NEXMIF: variants seen among roughly 807,000 people sequenced by gnomAD.
NEXMIF encodes the protein neurite extension and migration factor.
A neutral mutation model predicts 62.1 loss-of-function variants in NEXMIF; 8 were observed. That is an observed-to-expected ratio of 0.13 (90% CI 0.08 to 0.23). The LOEUF (loss-of-function observed/expected upper bound fraction) is 0.23, where lower values mean the gene tolerates loss of function less well. NEXMIF is among the 10% of genes least tolerant of loss of function. The pLI is 1.00. For missense variants in NEXMIF, 976 were observed against 1,113.3 expected, an observed-to-expected ratio of 0.88 and a Z score of 1.75; for synonymous variants, 404 against 416.6, an observed-to-expected ratio of 0.97 and a Z score of 0.37.
At chrX:74,784,473 G>A (rs2080255026) in intron 1 of NEXMIF, among the ~76,000 whole-genome samples, 1 of 111,031 alleles carries the variant, frequency 9.0e-6, no homozygotes, top group African/African-American at 3.3e-5. Flanking sequence ...TCATTGCCCT[G>A]GAGAGTTGTC....
At chrX:74,769,264 C>A (rs1487321029) in intron 1 of NEXMIF, among the ~76,000 whole-genome samples, 1 of 111,128 alleles carries the variant, frequency 9.0e-6, no homozygotes, top group Non-Finnish European at 1.9e-5. Context: ...GAAGGCTCTG[C>A]CACATATCTC....
At chrX:74,869,103 C>T (rs758045543) in intron 1 of NEXMIF, among the ~76,000 whole-genome samples, 1 of 111,484 alleles carries the variant, frequency 9.0e-6, no homozygotes, top group African/African-American at 3.3e-5. Flanking sequence ...CAAAGTTCAA[C>T]AAAACATTAA....
At chrX:74,849,640 C>T (rs975964661) in intron 1 of NEXMIF, among the ~76,000 whole-genome samples, 2 of 112,827 alleles carry the variant, frequency 1.8e-5, no homozygotes, top group African/African-American at 6.4e-5. Flanking sequence ...GCTGAATTCA[C>T]ATCATCCATC....
intron 1 of NEXMIF, among the ~76,000 whole-genome samples, chrX:74,887,099 G>T (rs1208596041): frequency 1.8e-5 from 2 of 112,580 alleles, no homozygotes; most frequent in African/African-American, 6.5e-5. Flanking sequence ...CTAGCCAGAT[G>T]TAGAAAGCTG....
chrX:74,873,406 T>C (rs2080612501), intron 1 of NEXMIF, among the ~76,000 whole-genome samples: 1 of 112,071 alleles, frequency 8.9e-6, no homozygotes, highest in Admixed American at 9.5e-5. Flanking sequence ...GATGTTTGGG[T>C]TGGTTCCAAG....
At chrX:74,866,835 C>G in intron 1 of NEXMIF, among the ~76,000 whole-genome samples, 1 of 112,675 alleles carries the variant, frequency 8.9e-6, no homozygotes. Flanking sequence ...TGTGAGGCCT[C>G]CTTAGCCATG....
At chrX:74,791,654 A>C (rs1456040358) in intron 1 of NEXMIF, among the ~76,000 whole-genome samples, 3 of 110,291 alleles carry the variant, frequency 2.7e-5, no homozygotes, top group Non-Finnish European at 5.7e-5. Context: ...ACAATTTCAG[A>C]TCCTGTTATT....
chrX:74,894,515 C>A (rs2080727223), intron 1 of NEXMIF, among the ~76,000 whole-genome samples: 1 of 111,074 alleles, frequency 9.0e-6, no homozygotes, highest in African/African-American at 3.3e-5. Flanking sequence ...GATACTGAAA[C>A]CAGACAAAAT....
intron 1 of NEXMIF, among the ~76,000 whole-genome samples, chrX:74,817,512 G>C (rs2080379884): frequency 8.9e-6 from 1 of 112,031 alleles, no homozygotes; most frequent in African/African-American, 3.2e-5. Context: ...CTAAACTAAA[G>C]TTGCATTCGA....
chrX:74,785,801 G>C (rs1283978363), intron 1 of NEXMIF, among the ~76,000 whole-genome samples: 2 of 111,961 alleles, frequency 1.8e-5, no homozygotes, highest in Non-Finnish European at 3.8e-5. Flanking sequence ...ACCTTGCTGT[G>C]CTCCAAACGC....
intron 1 of NEXMIF, among the ~76,000 whole-genome samples, chrX:74,917,456 C>T (rs1482832568): frequency 1.8e-5 from 2 of 112,207 alleles, no homozygotes; most frequent in Non-Finnish European, 3.8e-5. Flanking sequence ...TGAGAACAGA[C>T]TAATATACCA....
chrX:74,869,773 T>C (rs757911970), intron 1 of NEXMIF, among the ~76,000 whole-genome samples: 7 of 111,431 alleles, frequency 6.3e-5, no homozygotes, highest in African/African-American at 1.9e-4. Context: ...AAGTGAAATA[T>C]CTGTGCAATG....
intron 1 of NEXMIF, among the ~76,000 whole-genome samples, chrX:74,868,987 C>A (rs1380451937): frequency 1.8e-5 from 2 of 110,281 alleles, no homozygotes; most frequent in African/African-American, 6.6e-5. Flanking sequence ...TGTACAAGGC[C>A]AGTATTACCC....
rs180737308 is a variant in NEXMIF, at chrX:74,773,692, A to G, written c.-47-27995T>C. ...GGAGGCCGAGGCGGGTGGATCACCT[A>G]AGGTCAGGAGTTTGAGACCAGTCTG... On this transcript the variant is annotated intron_variant, in intron 1 of 3. Coordinates refer to ENST00000055682, the MANE Select transcript of NEXMIF (RefSeq NM_001008537.3). Among the ~76,000 whole-genome samples the G allele has an allele frequency of 3.3e-3, 361 of 110,234 alleles. 2 individuals are homozygous for G. Among genetic ancestry groups the G allele is most frequent in the South Asian group, 0.021 (55 of 2,576 alleles).
intron 1 of NEXMIF, among the ~76,000 whole-genome samples, chrX:74,875,755 C>T (rs1483834879): frequency 8.9e-6 from 1 of 112,015 alleles, no homozygotes; most frequent in Non-Finnish European, 1.9e-5. Flanking sequence ...TTATCTATTT[C>T]TTCTAGATTT....
intron 1 of NEXMIF, among the ~76,000 whole-genome samples, chrX:74,834,787 C>T (rs1279485885): frequency 9.0e-6 from 1 of 111,215 alleles, no homozygotes; most frequent in East Asian, 2.8e-4. Context: ...AGGTAGTCTT[C>T]TTTGGGTTAA....
chrX:74,863,017 C>T (rs111289336), intron 1 of NEXMIF, among the ~76,000 whole-genome samples: 1 of 109,974 alleles, frequency 9.1e-6, no homozygotes, highest in African/African-American at 3.3e-5. Flanking sequence ...CAAAAAAATA[C>T]AAAACTTAGC....
chrX:74,792,184 TC>T (rs1472562204), intron 1 of NEXMIF, among the ~76,000 whole-genome samples: 2 of 111,608 alleles, frequency 1.8e-5, no homozygotes, highest in African/African-American at 6.5e-5. Flanking sequence ...GTCTTTGTTC[TC>T]ATTGGTTTCA....
At chrX:74,792,529 T>A (rs1356712735) in intron 1 of NEXMIF, among the ~76,000 whole-genome samples, 1 of 102,119 alleles carries the variant, frequency 9.8e-6, no homozygotes, top group Non-Finnish European at 2.0e-5. Context: ...CTGGGTATCC[T>A]TGTTGACTTT....
Sources: allele counts gnomAD v4.1 joint callset (sites outside exome capture counted in the v4.1 genomes callset), GRCh38; gene constraint gnomAD v4.1.1; transcripts MANE v1.5; gene names NCBI Gene and HGNC (gene_info 2026-07-23, HGNC 2026-07-21).